MLLT3: variants seen among roughly 807,000 people sequenced by gnomAD.
The protein encoded by MLLT3 is protein AF-9.
A neutral mutation model predicts 53.2 loss-of-function variants in MLLT3; 4 were observed. That is an observed-to-expected ratio of 0.08 (90% CI 0.04 to 0.17). The LOEUF (loss-of-function observed/expected upper bound fraction) is 0.17, where lower values mean the gene tolerates loss of function less well. MLLT3 is among the 10% of genes least tolerant of loss of function. The pLI, the probability that MLLT3 is intolerant of heterozygous loss-of-function variation, is 1.00. For synonymous variants in MLLT3, 283 were observed against 230.6 expected (o/e 1.23, Z -2.06); for missense variants, 569 against 684.0 (o/e 0.83, Z 1.87).
intron 5 of MLLT3, among the ~76,000 whole-genome samples, chr9:20,384,615 G>C (rs184056546): frequency 1.2e-3 from 180 of 152,098 alleles, no homozygotes; most frequent in African/African-American, 4.1e-3. Context: ...TGGGATGCAG[G>C]TGTTGGATAA....
At chr9:20,542,634 C>T (rs7025158) in intron 2 of MLLT3, among the ~76,000 whole-genome samples, 64,499 of 151,826 alleles carry the variant, frequency 0.42, 14,214 homozygotes, top group South Asian at 0.51. Context: ...AACAGATGTG[C>T]TGTCATCCAA....
intron 2 of MLLT3, among the ~76,000 whole-genome samples, chr9:20,472,151 G>C (rs1824410501): frequency 6.6e-6 from 1 of 151,896 alleles, no homozygotes; most frequent in African/African-American, 2.4e-5. Flanking sequence ...TTAGGGATTT[G>C]TTTTTATGTT....
In MLLT3 at chr9:20,394,954, G is replaced by C. The variant is rs551776474; in HGVS notation, c.1125+18767C>G. 7.9e-5 allele frequency among the ~76,000 whole-genome samples: 12 copies of C among 152,194 alleles called. 1 individual carries two copies. In the South Asian group the frequency reaches 2.5e-3, roughly 32 times the overall value. On this transcript the variant is annotated intron_variant, in intron 5 of 10. Coordinates refer to ENST00000380338, the MANE Select transcript of MLLT3 (RefSeq NM_004529.4). ...GTGGGAAGAGGTTTCCGTCCAAGGT[G>C]ACCCATGTGAGAGAAGAGCAGGTGA...
chr9:20,477,099 G>A (rs906198257), intron 2 of MLLT3, among the ~76,000 whole-genome samples: 1 of 151,836 alleles, frequency 6.6e-6, no homozygotes, highest in Non-Finnish European at 1.5e-5. Context: ...GGGCCCAGTG[G>A]GATGAATGTC....
At chr9:20,443,770 G>A (rs1823615966) in intron 4 of MLLT3, among the ~76,000 whole-genome samples, 1 of 152,114 alleles carries the variant, frequency 6.6e-6, no homozygotes, top group Admixed American at 6.6e-5. Flanking sequence ...TAAGGTACTG[G>A]GTATCTACTA....
chr9:20,589,901 G>A (rs1301730820), intron 2 of MLLT3, among the ~76,000 whole-genome samples: 1 of 151,852 alleles, frequency 6.6e-6, no homozygotes, highest in African/African-American at 2.4e-5. Context: ...AGTAGAGATG[G>A]GGTTTCACCA....
intron 5 of MLLT3, among the ~76,000 whole-genome samples, chr9:20,408,566 C>G (rs1049280653): frequency 1.3e-5 from 2 of 152,136 alleles, no homozygotes; most frequent in Non-Finnish European, 2.9e-5. Flanking sequence ...AAAACAGGAG[C>G]CTCCGATGAG....
intron 3 of MLLT3, among the ~76,000 whole-genome samples, chr9:20,449,647 T>G (rs117344432): frequency 2.8e-3 from 428 of 152,298 alleles, no homozygotes; most frequent in Non-Finnish European, 5.2e-3. Context: ...TCTCCGAATA[T>G]AGGAATTAAC....
intron 2 of MLLT3, among the ~76,000 whole-genome samples, chr9:20,592,272 C>T (rs1389793625): frequency 6.6e-6 from 1 of 152,206 alleles, no homozygotes; most frequent in Non-Finnish European, 1.5e-5. Context: ...CCTATGCTTA[C>T]TCCTTCACTA....
At chr9:20,540,482 C>A (rs1024757616) in intron 2 of MLLT3, among the ~76,000 whole-genome samples, 1 of 152,226 alleles carries the variant, frequency 6.6e-6, no homozygotes, top group Non-Finnish European at 1.5e-5. Flanking sequence ...TCCAACACCA[C>A]GTGGAAGTCA....
chr9:20,563,013 G>GC (rs1819254921), intron 2 of MLLT3, among the ~76,000 whole-genome samples: 3 of 152,104 alleles, frequency 2.0e-5, no homozygotes, highest in African/African-American at 4.8e-5. Context: ...ACAGCTCACA[G>GC]CCCTGCTGGC....
At chr9:20,379,679 C>A (rs2118692485) in intron 5 of MLLT3, among the ~76,000 whole-genome samples, 1 of 152,148 alleles carries the variant, frequency 6.6e-6, no homozygotes, top group East Asian at 1.9e-4. Flanking sequence ...TACTTTTCAG[C>A]ATCTAATTCC....
intron 4 of MLLT3, among the ~76,000 whole-genome samples, chr9:20,434,672 G>A (rs1052556056): frequency 7.9e-5 from 12 of 152,258 alleles, no homozygotes; most frequent in Admixed American, 6.5e-4. Context: ...TGATCTGTTA[G>A]CTAAATCAAG....
At position 20,507,451 on chromosome 9, in the gene MLLT3, A is replaced by G. The variant is rs567842660; in HGVS notation, c.194-50665T>C. Among the ~76,000 whole-genome samples, 2 of 152,256 alleles carry G rather than the reference A, an allele frequency of 1.3e-5. 1 individual carries two copies. The highest frequency in any genetic ancestry group is 4.8e-5 in the African/African-American group (2 of 41,560). On this transcript the variant is annotated intron_variant, in intron 2 of 10. Transcript: ENST00000380338. ...TTTAAAATGAGAATGTTAACCCTAC[A>G]AAAACGTATTCATAAAAAGGTCCTA...
chr9:20,559,086 G>A (rs1230316104), intron 2 of MLLT3, among the ~76,000 whole-genome samples: 1 of 152,166 alleles, frequency 6.6e-6, no homozygotes, highest in Non-Finnish European at 1.5e-5. Flanking sequence ...GCAGGAAAAT[G>A]GGGCTTCATG....
At chr9:20,581,248 T>C (rs1408608767) in intron 2 of MLLT3, among the ~76,000 whole-genome samples, 3 of 152,200 alleles carry the variant, frequency 2.0e-5, no homozygotes, top group Non-Finnish European at 2.9e-5. Flanking sequence ...TTAGTGTTTA[T>C]TTTAGGATCA....
chr9:20,372,699 C>T (rs1315281266), intron 5 of MLLT3, among the ~76,000 whole-genome samples: 1 of 151,726 alleles, frequency 6.6e-6, no homozygotes, highest in Non-Finnish European at 1.5e-5. Context: ...TGAGCCACCA[C>T]GCCTGGCCTG....
Position 20,621,623 on chromosome 9 carries a change from G to T in MLLT3, c.12+622C>A. 1 of 741,726 alleles carries T rather than the reference G, an allele frequency of 1.3e-6. No homozygotes were observed. Among genetic ancestry groups the T allele is most frequent in the East Asian group, 3.4e-5 (1 of 29,442 alleles). The allele number at this position is 741,726 out of a possible 1,614,324, so 45.9% of individuals were successfully genotyped here. A position where few individuals can be genotyped will look rare whatever the true frequency, so the allele number is the denominator to read the frequency against. On this transcript the variant is annotated intron_variant, in intron 1 of 10. Transcript: ENST00000380338. This position sits in a 1 kb window ranked among gnomAD's most constrained non-coding sequence, Gnocchi z 7.0. ...TATCTCCCACCTCCCCCCAAAAAAT[G>T]AAATTCAGAAAGGCAGGGCGGCGGG...
At chr9:20,601,049 C>T (rs376204710) in intron 2 of MLLT3, among the ~76,000 whole-genome samples, 1 of 152,266 alleles carries the variant, frequency 6.6e-6, no homozygotes, top group Non-Finnish European at 1.5e-5. Flanking sequence ...TTCTCTGCAC[C>T]GTTGCCCCCA....
Sources: allele counts gnomAD v4.1 joint callset (sites outside exome capture counted in the v4.1 genomes callset), GRCh38; gene constraint gnomAD v4.1.1; non-coding constraint Gnocchi (gnomAD v3.1); transcripts MANE v1.5; gene names NCBI Gene and HGNC (gene_info 2026-07-23, HGNC 2026-07-21).